Variants in KCNIP1 observed in about 807,000 individuals in gnomAD.
KCNIP1 encodes potassium voltage-gated channel interacting protein 1.
Under a neutral mutation model 33.0 loss-of-function variants are expected in KCNIP1, and 18 were observed. That is an observed-to-expected ratio of 0.55 (90% confidence interval 0.38 to 0.81). The LOEUF (loss-of-function observed/expected upper bound fraction) is 0.81, where lower values mean the gene tolerates loss of function less well. Ranked by LOEUF, KCNIP1 falls within the 30% of genes least tolerant of loss-of-function variation. The pLI is 0.00. For missense variants in KCNIP1, 238 were observed against 271.6 expected (o/e 0.88, Z 0.87); for synonymous variants, 93 against 98.3 (o/e 0.95, Z 0.32).
chr5:170,558,815 A>G (rs1756930187), intron 1 of KCNIP1, among the ~76,000 whole-genome samples: 1 of 152,246 alleles, frequency 6.6e-6, no homozygotes, highest in African/African-American at 2.4e-5. Flanking sequence ...ACAATAAAAC[A>G]AAGTGCTTAT....
At chr5:170,676,098 A>AAGGGAGGAAGATGAAAGAAGGC in intron 1 of KCNIP1, among the ~76,000 whole-genome samples, 1 of 133,664 alleles carries the variant, frequency 7.5e-6, no homozygotes, top group Non-Finnish European at 1.6e-5. Flanking sequence ...TGAAAGAAGG[A>AAGGGAGGAAGATGAAAGAAGGC]AGGGAGGAAG....
intron 1 of KCNIP1, among the ~76,000 whole-genome samples, chr5:170,488,850 A>G (rs1441190055): frequency 6.6e-6 from 1 of 152,172 alleles, no homozygotes; most frequent in Non-Finnish European, 1.5e-5. Flanking sequence ...GAGGACCCAG[A>G]GAAGGGAGAG....
chr5:170,378,592 G>T, intron 1 of KCNIP1: 1 of 1,126,976 alleles, frequency 8.9e-7, no homozygotes, highest in Non-Finnish European at 1.3e-6. Flanking sequence ...GGATTGGACT[G>T]GAAGAGTGGG....
chr5:170,672,751 G>T (rs1761974933), intron 1 of KCNIP1, among the ~76,000 whole-genome samples: 1 of 152,334 alleles, frequency 6.6e-6, no homozygotes, highest in Admixed American at 6.5e-5. Context: ...AGGGAGGGGG[G>T]CAGAAAATAG....
chr5:170,396,566 G>A (rs1754767257), intron 1 of KCNIP1, among the ~76,000 whole-genome samples: 1 of 152,170 alleles, frequency 6.6e-6, no homozygotes, highest in Non-Finnish European at 1.5e-5. Flanking sequence ...AGCCCAGAAA[G>A]GCAGGACATC....
intron 1 of KCNIP1, among the ~76,000 whole-genome samples, chr5:170,706,783 C>G (rs1351000285): frequency 6.6e-6 from 1 of 152,194 alleles, no homozygotes; most frequent in Non-Finnish European, 1.5e-5. Flanking sequence ...TGCCCTTTCT[C>G]CCTGGACACT....
At chr5:170,608,174 A>C (rs1384530925) in intron 1 of KCNIP1, among the ~76,000 whole-genome samples, 1 of 152,112 alleles carries the variant, frequency 6.6e-6, no homozygotes, top group East Asian at 1.9e-4. Flanking sequence ...ACACCACTAC[A>C]TTCATTCCAG....
At chr5:170,483,399 C>A (rs1757018662) in intron 1 of KCNIP1, among the ~76,000 whole-genome samples, 2 of 152,222 alleles carry the variant, frequency 1.3e-5, no homozygotes, top group Admixed American at 1.3e-4. Flanking sequence ...CCTAGCCATC[C>A]TCTCCATTTT....
intron 1 of KCNIP1, among the ~76,000 whole-genome samples, chr5:170,598,370 G>A (rs1426972246): frequency 6.6e-6 from 1 of 152,170 alleles, no homozygotes; most frequent in Non-Finnish European, 1.5e-5. Context: ...ACTGAAAAGG[G>A]TCATCTGAGT....
chr5:170,504,512 T>C lies in KCNIP1; in HGVS notation c.-61T>C, dbSNP rs1177624515. ...AGAGTAGACAAACCACGGGGATTTC[T>C]TTCCAGGGTAGGGGAGGGGCCGGGC... On this transcript the variant is annotated 5_prime_UTR_variant, in exon 1 of 8. Transcript: ENST00000328939. This position sits in a 1 kb window ranked among gnomAD's most constrained non-coding sequence, Gnocchi z 6.0. The C allele has an allele frequency of 6.2e-7, 1 of 1,607,066 alleles. No individual in the cohort carries two copies. Among genetic ancestry groups the C allele is most frequent in the Non-Finnish European group, 8.5e-7 (1 of 1,179,476 alleles).
intron 1 of KCNIP1, among the ~76,000 whole-genome samples, chr5:170,581,016 G>A (rs1381504041): frequency 1.3e-5 from 2 of 152,130 alleles, no homozygotes; most frequent in African/African-American, 4.8e-5. Context: ...CCAAGTATAA[G>A]AGATTCTATT....
intron 1 of KCNIP1, among the ~76,000 whole-genome samples, chr5:170,648,705 G>A (rs984279380): frequency 6.6e-6 from 1 of 152,176 alleles, no homozygotes. Flanking sequence ...TAATTCATTT[G>A]TCAAAACACA....
intron 1 of KCNIP1, chr5:170,378,878 G>A: frequency 1.2e-6 from 2 of 1,614,260 alleles, no homozygotes; most frequent in Non-Finnish European, 1.7e-6. Flanking sequence ...CGGAGAAGCA[G>A]TAGAAGACCT....
chr5:170,440,345 A>C (rs902245101), intron 1 of KCNIP1, among the ~76,000 whole-genome samples: 1 of 152,224 alleles, frequency 6.6e-6, no homozygotes, highest in Non-Finnish European at 1.5e-5. Context: ...AAGTGTGATA[A>C]GGCCATTTAA....
intron 1 of KCNIP1, among the ~76,000 whole-genome samples, chr5:170,514,791 G>A (rs757103711): frequency 3.3e-5 from 5 of 152,124 alleles, no homozygotes; most frequent in Admixed American, 6.6e-5. Context: ...GATCTGTATC[G>A]GGCACCTGCT....
At chr5:170,518,538 G>A (rs1215065472) in intron 1 of KCNIP1, among the ~76,000 whole-genome samples, 2 of 152,190 alleles carry the variant, frequency 1.3e-5, no homozygotes, top group Non-Finnish European at 1.5e-5. Flanking sequence ...CTTGCAGAAA[G>A]ACACAGGCTG....
rs1239055696 is a variant in KCNIP1 at position 170,709,822 on chromosome 5, A to G, written c.62-8936A>G. Among the ~76,000 whole-genome samples the G allele has an allele frequency of 2.6e-4, 39 of 151,826 alleles. 1 individual carries two copies. Among genetic ancestry groups the G allele is most frequent in the Non-Finnish European group, 1.5e-5 (1 of 67,968 alleles). ...AATTATACATATGTTCAAACTTTTC[A>G]TCGCGTCTCATATGTCTCTTATGCA... On this transcript the variant is annotated intron_variant, in intron 1 of 7. Coordinates refer to ENST00000328939, the MANE Select transcript of KCNIP1 (RefSeq NM_014592.4).
chr5:170,589,535 T>C (rs1758127134), intron 1 of KCNIP1, among the ~76,000 whole-genome samples: 1 of 151,996 alleles, frequency 6.6e-6, no homozygotes, highest in Non-Finnish European at 1.5e-5. Flanking sequence ...ATAGAGAAGG[T>C]CAGAGATAAA....
chr5:170,487,786 G>A (rs1171739240), intron 1 of KCNIP1, among the ~76,000 whole-genome samples: 2 of 152,058 alleles, frequency 1.3e-5, no homozygotes, highest in East Asian at 3.9e-4. Flanking sequence ...CCAAAGTGCT[G>A]GGATTACAGG....
Sources: allele counts gnomAD v4.1 joint callset (sites outside exome capture counted in the v4.1 genomes callset), GRCh38; gene constraint gnomAD v4.1.1; non-coding constraint Gnocchi (gnomAD v3.1); transcripts MANE v1.5; gene names NCBI Gene and HGNC (gene_info 2026-07-23, HGNC 2026-07-21).